ADAMTS10: variants seen among roughly 807,000 people sequenced by gnomAD.
ADAMTS10 encodes ADAM metallopeptidase with thrombospondin type 1 motif 10.
ADAMTS10 carries 48 observed loss-of-function variants against 135.9 expected under a neutral mutation model. The observed-to-expected ratio is 0.35, with a 90% CI of 0.28 to 0.45. ADAMTS10 has a LOEUF of 0.45. Ranked by LOEUF, ADAMTS10 falls within the 20% of genes least tolerant of loss-of-function variation. ADAMTS10 has a pLI of 1.00. For synonymous variants in ADAMTS10, 621 were observed against 647.5 expected (o/e 0.96, Z 0.62); for missense variants, 1,131 against 1,565.2 (o/e 0.72, Z 4.68).
Position 8,591,873 on chromosome 19 carries a change from G to A in ADAMTS10, c.1734-10C>T. 1 of 1,613,374 alleles carries A rather than the reference G, an allele frequency of 6.2e-7. No homozygotes were observed. The highest frequency in any genetic ancestry group is 8.5e-7 in the Non-Finnish European group (1 of 1,180,000). Reference sequence around the variant, plus strand: ...GCCCCCGATGGTTGGCCTGGAAAGGGTGGTGGGATAGGAGAGGGATGAGGC... The same window carrying A: ...GCCCCCGATGGTTGGCCTGGAAAGGATGGTGGGATAGGAGAGGGATGAGGC... On this transcript the variant is annotated splice_polypyrimidine_tract_variant and intron_variant, in intron 14 of 25. Transcript: ENST00000597188.
intron 13 of ADAMTS10, 118 bp downstream of exon 13, chr19:8,592,645 G>C: frequency 9.5e-7 from 1 of 1,052,762 alleles, no homozygotes; most frequent in South Asian, 1.4e-5. Context: ...ACAAATGGCG[G>C]GCGTGGCCAA....
chr19:8,595,977 G>T, intron 11 of ADAMTS10, 74 bp from the exon 12 acceptor site: 2 of 1,613,890 alleles, frequency 1.2e-6, no homozygotes, highest in Admixed American at 3.3e-5. Flanking sequence ...GCTGGATGGG[G>T]GTCCCAGGGA....
Position 8,589,751 on chromosome 19 carries a change from C to T in ADAMTS10, c.1900+138G>A, listed in dbSNP as rs146593073. The T allele has an allele frequency of 7.1e-5, 100 of 1,405,822 alleles. 1 individual carries two copies. Among genetic ancestry groups the T allele is most frequent in the South Asian group, 3.3e-4 (27 of 80,862 alleles). 87.1% of individuals were successfully genotyped at this position (1,405,822 alleles called of 1,614,324 possible). Reference sequence around the variant, plus strand: ...GCGTCACGTTGAACCCCCATGGTACCGTATCCCAGGTACTCTGTCTCCCCG... The same window carrying T: ...GCGTCACGTTGAACCCCCATGGTACTGTATCCCAGGTACTCTGTCTCCCCG... On this transcript the variant is annotated intron_variant, in intron 16 of 25. Coordinates refer to ENST00000597188, the MANE Select transcript of ADAMTS10 (RefSeq NM_030957.4).
intron 18 of ADAMTS10, among the ~76,000 whole-genome samples, chr19:8,587,167 T>C (rs377200686): frequency 3.4e-5 from 5 of 148,876 alleles, no homozygotes; most frequent in East Asian, 1.9e-4. Flanking sequence ...TTCTTTCTTT[T>C]TTTTTTTTGG....
At chr19:8,586,306 C>A in intron 21 of ADAMTS10, 38 bp downstream of exon 21, 1 of 1,613,432 alleles carries the variant, frequency 6.2e-7, no homozygotes, top group African/African-American at 1.3e-5. Context: ...AGAACCTCAG[C>A]CCAGGTATCT....
At chr19:8,592,188 G>T (rs782461419) in intron 13 of ADAMTS10, 85 bp from the exon 14 acceptor site, 2 of 1,330,650 alleles carry the variant, frequency 1.5e-6, no homozygotes, top group Non-Finnish European at 2.0e-6. Flanking sequence ...CCAGGCCCCA[G>T]CCAGAGATAT....
In ADAMTS10 at chr19:8,596,922, C is replaced by T; in HGVS notation, c.1040+65G>A. 2.5e-6 allele frequency: 4 copies of T among 1,601,100 alleles called. No homozygotes were observed. Among genetic ancestry groups the T allele is most frequent in the South Asian group, 2.2e-5 (2 of 90,738 alleles). ...CTAGCAGAAGTGATCTCTGTTTGGA[C>T]TCTCATGGTTCCCTGGACCATCTGT... is the stretch of plus-strand genomic sequence containing the variant. On this transcript the variant is annotated intron_variant, in intron 8 of 25. Transcript: ENST00000597188. The surrounding 1 kb of genome is among the most constrained non-coding windows in gnomAD (Gnocchi z 7.2).
intron 6 of ADAMTS10, among the ~76,000 whole-genome samples, chr19:8,598,952 A>T (rs1292198283): frequency 6.6e-6 from 1 of 152,054 alleles, no homozygotes; most frequent in Non-Finnish European, 1.5e-5. Context: ...CAGAGACGAC[A>T]CTACACAACA....
At chr19:8,604,222 T>A (rs1266227966) in intron 4 of ADAMTS10, among the ~76,000 whole-genome samples, 12 of 151,260 alleles carry the variant, frequency 7.9e-5, no homozygotes, top group African/African-American at 2.7e-4. Flanking sequence ...GGCTAATTTT[T>A]AAAATTTTTA....
intron 25 of ADAMTS10, among the ~76,000 whole-genome samples, chr19:8,582,875 C>T (rs2042372560): frequency 6.6e-6 from 1 of 152,144 alleles, no homozygotes. Context: ...GTCTCAAACT[C>T]CTGACCTCAG....
Position 8,605,413 on chromosome 19 carries a change from G to T in ADAMTS10, c.89-55C>A. ...GGCCCTGGTCTTATTGGACCCCTGT[G>T]TCCTGGCTGTTAGGCTGCTGGAGCA... On this transcript the variant is annotated intron_variant, in intron 3 of 25. Transcript: ENST00000597188. This position sits in a 1 kb window ranked among gnomAD's most constrained non-coding sequence, Gnocchi z 7.7. The T allele has an allele frequency of 6.5e-7, 1 of 1,526,892 alleles. No individual in the cohort carries two copies. The allele number at this position is 1,526,892 out of a possible 1,614,324, so 94.6% of individuals were successfully genotyped here. A position where few individuals can be genotyped will look rare whatever the true frequency, so the allele number is the denominator to read the frequency against.
chr19:8,607,756 CT>C (rs1375895056), intron 2 of ADAMTS10, among the ~76,000 whole-genome samples: 3 of 151,918 alleles, frequency 2.0e-5, no homozygotes, highest in Non-Finnish European at 4.4e-5. Flanking sequence ...TCTGTGACCC[CT>C]GTTGCACTCT....
intron 12 of ADAMTS10, among the ~76,000 whole-genome samples, chr19:8,595,383 C>G (rs2042590333): frequency 6.6e-6 from 1 of 152,216 alleles, no homozygotes; most frequent in Non-Finnish European, 1.5e-5. Context: ...TGGCTCATCC[C>G]CAGGGAAATT....
Position 8,605,448 on chromosome 19 carries a change from G to A in ADAMTS10, c.89-90C>T. ...TTAGGCTGCTGGAGCAAGTGATGCT[G>A]GCCTCACTGACCCCCGAAATCCAGG... On this transcript the variant is annotated intron_variant, in intron 3 of 25. Coordinates refer to ENST00000597188, the MANE Select transcript of ADAMTS10 (RefSeq NM_030957.4). This position sits in a 1 kb window ranked among gnomAD's most constrained non-coding sequence, Gnocchi z 7.7. 3.4e-6 allele frequency: 5 copies of A among 1,470,916 alleles called. No homozygotes were observed. The highest frequency in any genetic ancestry group is 4.6e-6 in the Non-Finnish European group (5 of 1,079,976). The allele number at this position is 1,470,916 out of a possible 1,614,324, so 91.1% of individuals were successfully genotyped here. A position where few individuals can be genotyped will look rare whatever the true frequency, so the allele number is the denominator to read the frequency against.
intron 13 of ADAMTS10, among the ~76,000 whole-genome samples, 187 bp downstream of exon 13, chr19:8,592,576 G>A (rs923138424): frequency 6.6e-6 from 1 of 151,852 alleles, no homozygotes; most frequent in East Asian, 1.9e-4. Flanking sequence ...ACGCATAGAC[G>A]GTGGGCGTGG....
chr19:8,592,325 G>A, intron 13 of ADAMTS10: 4 of 869,564 alleles, frequency 4.6e-6, no homozygotes. Context: ...GGTGCTTAAC[G>A]GGGAGGGGTG....
Position 8,580,941 on chromosome 19 carries a change from G to T in ADAMTS10, c.3264C>A (p.Ser1088Arg), listed in dbSNP as rs2042337405. 2 of 1,613,422 alleles carry T rather than the reference G, an allele frequency of 1.2e-6. No individual in the cohort carries two copies. The highest frequency in any genetic ancestry group is 8.5e-7 in the Non-Finnish European group (1 of 1,179,790). The stretch of plus-strand genomic sequence containing the variant: ...AGCACATCTGGCGGAAGTAGGCTCG[G>T]CTGCAGAACTGAAATTTGAGCACCA... ...CPLVLKFQFC[S>R]RAYFRQMCCK... Residue 1088 changes from serine (S) to arginine (R), a missense_variant, in exon 26 of 26, where the codon AGC (serine) becomes AGA (arginine). Physicochemically the swap from Ser to Arg is moderately radical, Grantham distance 110. Around this residue, in one of 3 missense-constraint regions of ADAMTS10, gnomAD observed 745 missense variants for 1,056.3 expected, o/e 0.71. Transcript: ENST00000597188.
intron 25 of ADAMTS10, 43 bp from the exon 26 acceptor site, chr19:8,581,045 C>T: frequency 6.8e-7 from 1 of 1,473,680 alleles, no homozygotes. Flanking sequence ...GTCTCAGCTG[C>T]CCTCCCCGCA....
At chr19:8,607,095 A>G (rs1267926364) in intron 2 of ADAMTS10, among the ~76,000 whole-genome samples, 1 of 152,034 alleles carries the variant, frequency 6.6e-6, no homozygotes, top group African/African-American at 2.4e-5. Flanking sequence ...CATCAGAGGC[A>G]CTTGAAGGGG....
Sources: gnomAD v4.1 joint callset for allele counts (sites outside exome capture counted in the v4.1 genomes callset) on GRCh38, gnomAD v4.1.1 for gene constraint, gnomAD v4.1.1 regional missense constraint, Gnocchi (gnomAD v3.1) non-coding constraint, MANE v1.5 for transcripts, NCBI Gene and HGNC (gene_info 2026-07-23, HGNC 2026-07-21) for gene names.